Variants in TMEM202 observed in about 807,000 individuals in gnomAD.
TMEM202 encodes transmembrane protein 202.
TMEM202 carries 25 observed loss-of-function variants against 26.1 expected under a neutral mutation model. The ratio of observed to expected loss-of-function variants is 0.96; its 90% CI spans 0.70 to 1.34. TMEM202 has a LOEUF of 1.34. TMEM202 is among the 40% of genes most tolerant of loss of function. The pLI is 0.00. For missense variants in TMEM202, 301 were observed against 327.7 expected (o/e 0.92, Z 0.63); for synonymous variants, 122 against 119.0 (o/e 1.02, Z -0.16).
rs539004628 is a variant in TMEM202, at chr15:72,402,908, C to T, written c.338-3694C>T. On this transcript the variant is annotated intron_variant, in intron 2 of 4. Transcript: ENST00000341689. Reference sequence around the variant, plus strand: ...GTCTCCACCCAGGATCATTTCCATTCCAAAACCACCCACTTGGGGCACCTC... The same window carrying T: ...GTCTCCACCCAGGATCATTTCCATTTCAAAACCACCCACTTGGGGCACCTC... Among the ~76,000 whole-genome samples, 3 of 152,278 alleles carry T rather than the reference C, an allele frequency of 2.0e-5. No homozygotes were observed. In the South Asian group the frequency reaches 6.2e-4, roughly 32 times the overall value.
Position 72,408,246 on chromosome 15 carries a change from T to G in TMEM202, c.*353T>G, listed in dbSNP as rs2063583049. Reference sequence around the variant, plus strand: ...GAATGTTAATTACTTCTGTTTGGAATTTTCTTTATTATGTGTGGCTTTGGG... The same window carrying G: ...GAATGTTAATTACTTCTGTTTGGAAGTTTCTTTATTATGTGTGGCTTTGGG... On this transcript the variant is annotated 3_prime_UTR_variant, in exon 5 of 5. Transcript: ENST00000341689. 6.6e-6 allele frequency among the ~76,000 whole-genome samples: 1 copy of G among 152,098 alleles called. No individual in the cohort carries two copies. The highest frequency in any genetic ancestry group is 2.4e-5 in the African/African-American group (1 of 41,388).
intron 2 of TMEM202, among the ~76,000 whole-genome samples, chr15:72,405,564 G>C (rs1036509210): frequency 1.3e-5 from 2 of 152,112 alleles, no homozygotes; most frequent in Non-Finnish European, 2.9e-5. Flanking sequence ...ACTTGGATAA[G>C]AGCAACTTGA....
At chr15:72,399,935 C>T (rs1171935399) in intron 2 of TMEM202, among the ~76,000 whole-genome samples, 1 of 152,166 alleles carries the variant, frequency 6.6e-6, no homozygotes, top group East Asian at 1.9e-4. Flanking sequence ...CATCTATTCT[C>T]CTCACATAAG....
chr15:72,406,841 A>G, intron 3 of TMEM202, 90 bp downstream of exon 3: 3 of 1,422,112 alleles, frequency 2.1e-6, no homozygotes, highest in Non-Finnish European at 2.9e-6. Flanking sequence ...TCTTTTTCTT[A>G]TCTCTTTGCT....
chr15:72,398,750 GT>G lies in TMEM202; in HGVS notation c.180del (p.Cys60TrpfsTer10), dbSNP rs1280803501. On this transcript the variant is annotated frameshift_variant, in exon 2 of 5. Transcript: ENST00000341689. LOFTEE classifies it high-confidence loss of function. ...DQAHIYIRTL[C>X]GSLCSFSLLM... ...GCACACATCTACATCCGAACGCTCT[GT>G]GGCAGCCTCTGTAGTTTTAGCCTCC... 9 of 1,614,192 alleles carry G rather than the reference GT, an allele frequency of 5.6e-6. No homozygotes were observed. The highest frequency in any genetic ancestry group is 1.7e-5 in the Admixed American group (1 of 60,024).
rs199872123 is a variant in TMEM202, at chr15:72,398,726, C to T, written c.155C>T (p.Ala52Val). ...CQRQQQLMDQ[A>V]HIYIRTLCGS... ...AGGCAGCAGCAGCTTATGGATCAGG[C>T]ACACATCTACATCCGAACGCTCTGT... The change falls in exon 2 of 5, where the codon GCA becomes GTA. Residue 52 changes from alanine to valine, a missense_variant. By Grantham distance (64) the Ala-to-Val change is moderately conservative. Coordinates refer to ENST00000341689, the MANE Select transcript of TMEM202 (RefSeq NM_001080462.3). The T allele has an allele frequency of 3.1e-6, 5 of 1,614,184 alleles. No individual in the cohort carries two copies. In the Admixed American group the frequency reaches 5.0e-5, roughly 16 times the overall value.
intron 4 of TMEM202, 80 bp downstream of exon 4, chr15:72,407,297 T>C (rs1159699702): frequency 1.3e-6 from 2 of 1,488,646 alleles, no homozygotes; most frequent in East Asian, 2.3e-5. Flanking sequence ...CCAGGAGAAA[T>C]AGAAGCACTG....
intron 2 of TMEM202, among the ~76,000 whole-genome samples, chr15:72,401,796 A>G (rs977379607): frequency 6.6e-6 from 1 of 152,156 alleles, no homozygotes; most frequent in African/African-American, 2.4e-5. Context: ...TAAATCAAGT[A>G]TCCACCCTAT....
Position 72,398,788 on chromosome 15 carries a change from G to A in TMEM202, c.217G>A (p.Ala73Thr), listed in dbSNP as rs780086937. 1.2e-5 allele frequency: 19 copies of A among 1,613,988 alleles called. No homozygotes were observed. The Admixed American group carries it at 1.8e-4, about 16-fold the overall frequency. ...LCSFSLLMLI[A>T]MSPLNWVQFL... is the part of the protein sequence containing the mutation. ...TAGTTTTAGCCTCCTAATGCTGATCGCCATGTCCCCACTGAACTGGGTACA... is the reference window on the plus strand; with the variant it reads ...TAGTTTTAGCCTCCTAATGCTGATCACCATGTCCCCACTGAACTGGGTACA... Residue 73 changes from alanine to threonine, a missense_variant, in exon 2 of 5, where the codon GCC (alanine) becomes ACC (threonine). By Grantham distance (58) the Ala-to-Thr change is moderately conservative (BLOSUM62 0). Transcript: ENST00000341689.
At position 72,398,609 on chromosome 15, in the gene TMEM202, G is replaced by A. The variant is rs775696049; in HGVS notation, c.82-44G>A. The stretch of plus-strand genomic sequence containing the variant: ...GAAGAGCGGGTGACCCTGGGGATCA[G>A]GGGTTATTCTTTCGGGTAGGCAATA... On this transcript the variant is annotated intron_variant, in intron 1 of 4. Transcript: ENST00000341689. 60 of 1,607,196 alleles carry A rather than the reference G, an allele frequency of 3.7e-5. No individual in the cohort carries two copies. In the Admixed American group the frequency reaches 7.5e-4, roughly 20 times the overall value.
rs574686759 is a variant in TMEM202, at chr15:72,398,590, C to T, written c.82-63C>T. The T allele has an allele frequency of 2.0e-5, 31 of 1,585,046 alleles. No homozygotes were observed. The East Asian group carries it at 3.8e-4, about 20-fold the overall frequency. ...TGGGAATGCTTGAGGTAGAGAAGAG[C>T]GGGTGACCCTGGGGATCAGGGGTTA... On this transcript the variant is annotated intron_variant, in intron 1 of 4. Transcript: ENST00000341689.
At chr15:72,400,136 G>A (rs2063540851) in intron 2 of TMEM202, among the ~76,000 whole-genome samples, 1 of 152,062 alleles carries the variant, frequency 6.6e-6, no homozygotes, top group Non-Finnish European at 1.5e-5. Flanking sequence ...GAAAGATAAA[G>A]GTTAATGGCC....
rs533673167 is a variant in TMEM202, at chr15:72,407,608, G to T, written c.620-83G>T. ...CACTGAAAAGATGCCTCTTGAACTGGTTATTAAAGGATGCATAAGAATTTT... is the reference window on the plus strand; with the variant it reads ...CACTGAAAAGATGCCTCTTGAACTGTTTATTAAAGGATGCATAAGAATTTT... On this transcript the variant is annotated intron_variant, in intron 4 of 4. Coordinates refer to ENST00000341689, the MANE Select transcript of TMEM202 (RefSeq NM_001080462.3). 3.7e-5 allele frequency: 48 copies of T among 1,285,138 alleles called. 1 individual carries two copies. Among genetic ancestry groups the T allele is most frequent in the Middle Eastern group, 3.9e-4 (2 of 5,148 alleles). The allele number at this position is 1,285,138 out of a possible 1,614,324, so 79.6% of individuals were successfully genotyped here.
intron 2 of TMEM202, among the ~76,000 whole-genome samples, chr15:72,402,461 G>A (rs1248074563): frequency 6.6e-6 from 1 of 152,148 alleles, no homozygotes. Context: ...TCACTTCAGG[G>A]TGTTGTGCTT....
At chr15:72,403,031 G>A (rs1003322687) in intron 2 of TMEM202, among the ~76,000 whole-genome samples, 3 of 152,172 alleles carry the variant, frequency 2.0e-5, no homozygotes, top group African/African-American at 4.8e-5. Flanking sequence ...TAAGTGAGCT[G>A]ATTCCCCAGC....
chr15:72,402,711 A>G (rs1183997833), intron 2 of TMEM202, among the ~76,000 whole-genome samples: 1 of 152,166 alleles, frequency 6.6e-6, no homozygotes, highest in African/African-American at 2.4e-5. Context: ...TGGGAAAGAA[A>G]GGGTAAGTCT....
In TMEM202 at chr15:72,398,817, T is replaced by C. The variant is rs892522598; in HGVS notation, c.246T>C (p.Phe82=). Residue 82 remains phenylalanine (F), a synonymous_variant, in exon 2 of 5, where the codon TTT becomes TTC. Coordinates refer to ENST00000341689, the MANE Select transcript of TMEM202 (RefSeq NM_001080462.3). ...IAMSPLNWVQ[F]LVIKNGLELY... is the part of the protein sequence containing the mutation. ...TGTCCCCACTGAACTGGGTACAGTTTCTGGTGATCAAGAATGGCCTTGAGC... is the reference window on the plus strand; with the variant it reads ...TGTCCCCACTGAACTGGGTACAGTTCCTGGTGATCAAGAATGGCCTTGAGC... The C allele has an allele frequency of 6.2e-7, 1 of 1,614,156 alleles. No homozygotes were observed. The highest frequency in any genetic ancestry group is 1.7e-5 in the Admixed American group (1 of 60,014).
chr15:72,404,166 C>A (rs1303497184), intron 2 of TMEM202, among the ~76,000 whole-genome samples: 1 of 152,172 alleles, frequency 6.6e-6, no homozygotes, highest in Non-Finnish European at 1.5e-5. Context: ...GTAATCCCAG[C>A]ACTTTGGGAG....
chr15:72,400,526 G>A (rs2063542782), intron 2 of TMEM202, among the ~76,000 whole-genome samples: 1 of 152,162 alleles, frequency 6.6e-6, no homozygotes, highest in Admixed American at 6.5e-5. Context: ...TGGATTAAAA[G>A]GTTTAGGCAA....
Sources: gnomAD v4.1 joint callset for allele counts (sites outside exome capture counted in the v4.1 genomes callset) on GRCh38, gnomAD v4.1.1 for gene constraint, MANE v1.5 for transcripts, NCBI Gene and HGNC (gene_info 2026-07-23, HGNC 2026-07-21) for gene names.